Variants in SUGCT observed in about 807,000 individuals in gnomAD.
The protein encoded by SUGCT is succinyl-CoA:glutarate CoA-transferase.
Under a neutral mutation model 55.0 loss-of-function variants are expected in SUGCT, and 41 were observed. The ratio of observed to expected loss-of-function variants is 0.74; its 90% CI spans 0.58 to 0.97. SUGCT has a LOEUF of 0.97. Among genes scored for constraint, SUGCT ranks in the 50% least tolerant of loss-of-function variants. The probability of loss-of-function intolerance (pLI) is 0.00; values close to 1 mark genes in which losing one functional copy is unlikely to be tolerated. For synonymous variants in SUGCT, 187 were observed against 200.4 expected (o/e 0.93, Z 0.56); for missense variants, 568 against 547.8 (o/e 1.04, Z -0.37).
intron 7 of SUGCT, among the ~76,000 whole-genome samples, chr7:40,270,823 T>G (rs964483564): frequency 1.3e-5 from 2 of 152,184 alleles, no homozygotes; most frequent in Admixed American, 6.5e-5. Flanking sequence ...AGTCTTCTGC[T>G]CCATGACTGT....
At chr7:40,574,170 C>T (rs1796599346) in intron 12 of SUGCT, among the ~76,000 whole-genome samples, 1 of 152,136 alleles carries the variant, frequency 6.6e-6, no homozygotes, top group Non-Finnish European at 1.5e-5. Context: ...CTCACCTCCC[C>T]TCACTCTTGG....
chr7:41,007,757 C>A, the SUGCT span, among the ~76,000 whole-genome samples: 1 of 134,340 alleles, frequency 7.4e-6, no homozygotes, highest in Non-Finnish European at 1.5e-5. Context: ...ACCATGAAAG[C>A]ATGGAATTTG....
At chr7:40,688,363 C>T (rs564909299) in intron 12 of SUGCT, among the ~76,000 whole-genome samples, 16 of 152,218 alleles carry the variant, frequency 1.1e-4, no homozygotes, top group African/African-American at 3.9e-4. Flanking sequence ...TCACGTTTGC[C>T]CCAAGAAATT....
intron 12 of SUGCT, among the ~76,000 whole-genome samples, chr7:40,583,993 G>A (rs750480618): frequency 3.9e-5 from 6 of 152,248 alleles, no homozygotes; most frequent in Non-Finnish European, 8.8e-5. Flanking sequence ...TAAGTTGGTG[G>A]AGTTGAATTC....
intron 13 of SUGCT, among the ~76,000 whole-genome samples, chr7:40,762,069 C>T (rs1018412277): frequency 9.2e-5 from 14 of 152,142 alleles, no homozygotes; most frequent in African/African-American, 3.4e-4. Flanking sequence ...ACCAGAAGAG[C>T]TTCATTTGAC....
At chr7:40,377,571 T>C (rs1005750349) in intron 9 of SUGCT, among the ~76,000 whole-genome samples, 1 of 152,076 alleles carries the variant, frequency 6.6e-6, no homozygotes, top group Non-Finnish European at 1.5e-5. Flanking sequence ...GAAAGTGATG[T>C]TCCCCACCCT....
the SUGCT span, among the ~76,000 whole-genome samples, chr7:41,026,715 T>C: frequency 1.1e-4 from 17 of 152,314 alleles, no homozygotes; most frequent in South Asian, 2.5e-3. Flanking sequence ...CAGACTTTCA[T>C]AGAAGCTGGT....
chr7:40,303,159 G>T (rs747974644), intron 8 of SUGCT, among the ~76,000 whole-genome samples: 1 of 151,756 alleles, frequency 6.6e-6, no homozygotes, highest in African/African-American at 2.4e-5. Context: ...TCAGCCTCCC[G>T]AGTAGCTGGG....
At chr7:40,978,654 C>G in the SUGCT span, among the ~76,000 whole-genome samples, 1 of 152,048 alleles carries the variant, frequency 6.6e-6, no homozygotes, top group Non-Finnish European at 1.5e-5. Context: ...GCAATTGTGG[C>G]GAGACCAAAA....
intron 12 of SUGCT, among the ~76,000 whole-genome samples, chr7:40,603,756 C>T (rs1303502953): frequency 6.6e-6 from 1 of 152,146 alleles, no homozygotes; most frequent in Admixed American, 6.5e-5. Context: ...ATGATCTTGC[C>T]ATGCCCTATC....
chr7:41,002,244 C>T, the SUGCT span, among the ~76,000 whole-genome samples: 208 of 152,296 alleles, frequency 1.4e-3, no homozygotes, highest in Admixed American at 5.1e-3. Flanking sequence ...TGGTCTCAAA[C>T]GCCCAACCTC....
the SUGCT span, among the ~76,000 whole-genome samples, chr7:40,980,171 G>A: frequency 6.6e-6 from 1 of 152,106 alleles, no homozygotes; most frequent in Non-Finnish European, 1.5e-5. Context: ...GAGAGAGACA[G>A]AGACAGAGAA....
chr7:40,668,696 T>TAGAGCTAAAGA (rs1404960164), intron 12 of SUGCT, among the ~76,000 whole-genome samples: 1 of 152,154 alleles, frequency 6.6e-6, no homozygotes, highest in Non-Finnish European at 1.5e-5. Flanking sequence ...ATTCCAGAGT[T>TAGAGCTAAAGA]AGAGCTAAAG....
At chr7:40,908,533 A>G in the SUGCT span, among the ~76,000 whole-genome samples, 11 of 152,304 alleles carry the variant, frequency 7.2e-5, no homozygotes, top group Middle Eastern at 3.4e-3. Flanking sequence ...GTATGAGGAA[A>G]GAAAGGCAAC....
At position 40,338,336 on chromosome 7, in the gene SUGCT, A is replaced by G. The variant is rs183530051; in HGVS notation, c.816+21481A>G. Among the ~76,000 whole-genome samples, 81 of 152,318 alleles carry G rather than the reference A, an allele frequency of 5.3e-4. No homozygotes were observed. In the East Asian group the frequency reaches 0.015, roughly 29 times the overall value. On this transcript the variant is annotated intron_variant, in intron 9 of 13. Coordinates refer to ENST00000335693, the MANE Select transcript of SUGCT (RefSeq NM_001193313.2). The stretch of plus-strand genomic sequence containing the variant: ...GAAATTCTCCTGGATAATATCCTGC[A>G]GAGTGTTTTCCAACTTGGTTCCATT...
chr7:40,178,345 G>A (rs2150699561), intron 1 of SUGCT, among the ~76,000 whole-genome samples: 1 of 152,044 alleles, frequency 6.6e-6, no homozygotes, highest in East Asian at 1.9e-4. Flanking sequence ...ATTCAGGTGG[G>A]GAGGAATGAT....
At chr7:40,405,920 C>A (rs1163830292) in intron 9 of SUGCT, among the ~76,000 whole-genome samples, 4 of 151,882 alleles carry the variant, frequency 2.6e-5, no homozygotes, top group Non-Finnish European at 5.9e-5. Flanking sequence ...CCACACAGTG[C>A]GTTCTTCTTG....
rs1562728590 is a variant in SUGCT, at chr7:40,377,194, CTTTCTTTTCT to C, written c.816+60352_816+60361del. Among the ~76,000 whole-genome samples, 18 of 7,582 alleles carry C rather than the reference CTTTCTTTTCT, an allele frequency of 2.4e-3. 6 individuals are homozygous for C. The highest frequency in any genetic ancestry group is 2.9e-3 in the Non-Finnish European group (2 of 682). 5.0% of individuals were successfully genotyped at this position (7,582 alleles called of 152,430 possible). ...TCTTTCTTTCTTTCTTTCTTTCTTT[CTTTCTTTTCT>C]TTTCTTTTCTTTCTTTTCTTTCTTT... On this transcript the variant is annotated intron_variant, in intron 9 of 13. Coordinates refer to ENST00000335693, the MANE Select transcript of SUGCT (RefSeq NM_001193313.2).
chr7:40,604,432 T>C (rs1167675300), intron 12 of SUGCT, among the ~76,000 whole-genome samples: 1 of 152,202 alleles, frequency 6.6e-6, no homozygotes, highest in African/African-American at 2.4e-5. Flanking sequence ...GTTTTTAGAA[T>C]GTGAGAGGAT....
Sources: gnomAD v4.1 joint callset for allele counts (sites outside exome capture counted in the v4.1 genomes callset) on GRCh38, gnomAD v4.1.1 for gene constraint, MANE v1.5 for transcripts, NCBI Gene and HGNC (gene_info 2026-07-23, HGNC 2026-07-21) for gene names.